AFF2: variants seen among roughly 807,000 people sequenced by gnomAD.
AFF2 encodes ALF transcription elongation factor 2.
A neutral mutation model predicts 76.9 loss-of-function variants in AFF2; 14 were observed. The observed-to-expected ratio is 0.18, with a 90% CI of 0.12 to 0.28. The LOEUF (loss-of-function observed/expected upper bound fraction) is 0.28. AFF2 is among the 10% of genes least tolerant of loss of function. AFF2 has a pLI of 1.00. For synonymous variants in AFF2, 398 were observed against 366.7 expected (o/e 1.09, Z -0.98); for missense variants, 868 against 1,001.1 (o/e 0.87, Z 1.79).
intron 1 of AFF2, among the ~76,000 whole-genome samples, chrX:148,581,204 CGTAT>C (rs2053373341): frequency 2.1e-5 from 2 of 96,138 alleles, no homozygotes; most frequent in Admixed American, 1.1e-4. Context: ...TATACGTATA[CGTAT>C]ACACACATAT....
intron 2 of AFF2, among the ~76,000 whole-genome samples, chrX:148,657,672 A>G (rs924970977): frequency 1.8e-5 from 2 of 112,476 alleles, no homozygotes; most frequent in African/African-American, 3.2e-5. Context: ...GCATTTCCTG[A>G]TGATAGAGAA....
intron 3 of AFF2, among the ~76,000 whole-genome samples, chrX:148,738,412 G>A (rs1557265306): frequency 9.0e-6 from 1 of 111,365 alleles, no homozygotes; most frequent in African/African-American, 3.3e-5. Context: ...GTGTAAAGGT[G>A]TTCATAGTAG....
chrX:148,874,914 T>C (rs966604393), intron 7 of AFF2, among the ~76,000 whole-genome samples: 3 of 112,171 alleles, frequency 2.7e-5, no homozygotes, highest in African/African-American at 9.7e-5. Context: ...CTCAACATGG[T>C]TGGCTTTCCA....
At chrX:148,512,913 C>A (rs2052497681) in intron 1 of AFF2, among the ~76,000 whole-genome samples, 1 of 111,215 alleles carries the variant, frequency 9.0e-6, no homozygotes, top group Admixed American at 9.6e-5. Context: ...TAGATGACAT[C>A]GGACCATCCA....
chrX:148,859,912 T>G (rs1348285291), intron 7 of AFF2, among the ~76,000 whole-genome samples: 1 of 111,272 alleles, frequency 9.0e-6, no homozygotes, highest in Non-Finnish European at 1.9e-5. Context: ...GTTGGTTTGC[T>G]GCACCCATCA....
intron 3 of AFF2, among the ~76,000 whole-genome samples, chrX:148,728,293 G>A (rs2055184160): frequency 8.9e-6 from 1 of 112,467 alleles, no homozygotes; most frequent in African/African-American, 3.2e-5. Context: ...AGCAAGAAGA[G>A]AGGGGATAAA....
At chrX:148,870,028 C>T (rs111444149) in intron 7 of AFF2, among the ~76,000 whole-genome samples, 1,812 of 111,278 alleles carry the variant, frequency 0.016, 13 homozygotes, top group Middle Eastern at 0.041. Context: ...TAGGTAGGAA[C>T]GCAATTCACC....
chrX:148,556,307 A>C (rs2053052070), intron 1 of AFF2, among the ~76,000 whole-genome samples: 1 of 112,440 alleles, frequency 8.9e-6, no homozygotes, highest in Non-Finnish European at 1.9e-5. Context: ...CATGATTTGA[A>C]AGTATTCTAC....
intron 3 of AFF2, among the ~76,000 whole-genome samples, chrX:148,807,338 A>T (rs181902099): frequency 1.7e-3 from 194 of 112,265 alleles, no homozygotes; most frequent in Non-Finnish European, 3.2e-3. Flanking sequence ...AACTTAATTC[A>T]TTGTATTGGG....
At chrX:148,639,429 G>A (rs1953843193) in intron 1 of AFF2, among the ~76,000 whole-genome samples, 1 of 111,908 alleles carries the variant, frequency 8.9e-6, no homozygotes, top group Admixed American at 9.5e-5. Flanking sequence ...CTGCTAGTTT[G>A]CTTGATACAA....
chrX:148,931,812 GAA>G (rs1329439841), intron 9 of AFF2, among the ~76,000 whole-genome samples: 1 of 112,222 alleles, frequency 8.9e-6, no homozygotes, highest in Non-Finnish European at 1.9e-5. Context: ...ACTCCAGAAA[GAA>G]AAGAGTGATG....
chrX:148,515,908 T>C (rs782102158), intron 1 of AFF2, among the ~76,000 whole-genome samples: 1 of 111,890 alleles, frequency 8.9e-6, no homozygotes, highest in African/African-American at 3.3e-5. Flanking sequence ...CAGCTTCTGC[T>C]AGCCAAAAAA....
intron 3 of AFF2, among the ~76,000 whole-genome samples, chrX:148,764,551 T>C (rs2069489096): frequency 8.9e-6 from 1 of 112,595 alleles, no homozygotes; most frequent in South Asian, 3.7e-4. Context: ...CAATGTCATA[T>C]TGTAATTTTG....
At chrX:148,892,327 GTTT>G (rs1449543966) in intron 8 of AFF2, among the ~76,000 whole-genome samples, 1 of 109,078 alleles carries the variant, frequency 9.2e-6, no homozygotes, top group Non-Finnish European at 1.9e-5. Context: ...CCACTTCATA[GTTT>G]TGTTTTTTCT....
intron 3 of AFF2, among the ~76,000 whole-genome samples, chrX:148,792,522 T>C (rs782157215): frequency 1.2e-3 from 137 of 113,123 alleles, no homozygotes; most frequent in Middle Eastern, 4.6e-3. Flanking sequence ...CAAAGGGCCT[T>C]GCTGACACAA....
rs200076949 is a variant in AFF2 at position 148,675,350 on chromosome X, T to C, written c.1041+12582T>C. Among the ~76,000 whole-genome samples the C allele has an allele frequency of 2.7e-5, 3 of 111,530 alleles. No individual in the cohort carries two copies. In the East Asian group the frequency reaches 8.5e-4, roughly 32 times the overall value. On this transcript the variant is annotated intron_variant, in intron 3 of 20. Coordinates refer to ENST00000370460, the MANE Select transcript of AFF2 (RefSeq NM_002025.4). ...ATAAAGCCTTGAAAGTTAGCGGGGC[T>C]GTAAGGTCCATGCTTCCTATGAATG...
chrX:148,504,908 T>G (rs1281144642), intron 1 of AFF2, among the ~76,000 whole-genome samples: 2 of 98,486 alleles, frequency 2.0e-5, no homozygotes, highest in Non-Finnish European at 4.0e-5. Context: ...CAGGACTGTT[T>G]ATGGATGGGA....
intron 3 of AFF2, among the ~76,000 whole-genome samples, chrX:148,768,771 A>C (rs1055903896): frequency 6.3e-5 from 7 of 111,985 alleles, no homozygotes; most frequent in Non-Finnish European, 1.1e-4. Context: ...GAAAGTTATG[A>C]GGACATGTTT....
intron 3 of AFF2, among the ~76,000 whole-genome samples, chrX:148,666,968 G>A (rs1335983081): frequency 9.8e-5 from 11 of 112,206 alleles, no homozygotes; most frequent in African/African-American, 3.6e-4. Flanking sequence ...CACATGAAAG[G>A]ATTGATATCA....
Sources: gnomAD v4.1 joint callset for allele counts (sites outside exome capture counted in the v4.1 genomes callset) on GRCh38, gnomAD v4.1.1 for gene constraint, MANE v1.5 for transcripts, NCBI Gene and HGNC (gene_info 2026-07-23, HGNC 2026-07-21) for gene names.